GHR: variants seen among roughly 807,000 people sequenced by gnomAD.
The protein encoded by GHR is growth hormone receptor, also known as GH receptor.
In GHR, 35 loss-of-function variants were observed where a neutral mutation model predicts 67.1. The ratio of observed to expected loss-of-function variants is 0.52; its 90% CI spans 0.40 to 0.69. The LOEUF is 0.69. Among genes scored for constraint, GHR ranks in the 30% least tolerant of loss-of-function variants. The pLI is 0.00. For synonymous variants in GHR, 272 were observed against 269.1 expected, an observed-to-expected ratio of 1.01 and a Z score of -0.10; for missense variants, 792 against 764.6, an observed-to-expected ratio of 1.04 and a Z score of -0.42.
chr5:42,550,143 G>T (rs1748944864), intron 1 of GHR: 1 of 898,398 alleles, frequency 1.1e-6, no homozygotes, highest in African/African-American at 1.8e-5. Context: ...GCTACTTGAA[G>T]TGCTTCTTGA....
Position 42,699,855 on chromosome 5 carries a change from G to T in GHR, c.471G>T (p.Trp157Cys). ...VQPDPPIALN[W>C]TLLNVSLTGI... ...CAGATCCACCCATTGCCCTCAACTG[G>T]ACTTTACTGAACGTCAGTTTAACTG... The change falls in exon 6 of 10, where the codon TGG becomes TGT. Residue 157 changes from tryptophan (W) to cysteine (C), a missense_variant. Transcript: ENST00000230882. 2 of 1,611,774 alleles carry T rather than the reference G, an allele frequency of 1.2e-6. No homozygotes were observed. The highest frequency in any genetic ancestry group is 1.7e-6 in the Non-Finnish European group (2 of 1,177,954).
At chr5:42,551,622 A>G (rs1176802159) in intron 1 of GHR, among the ~76,000 whole-genome samples, 1 of 152,210 alleles carries the variant, frequency 6.6e-6, no homozygotes, top group Non-Finnish European at 1.5e-5. Flanking sequence ...GATCTCATTA[A>G]GCAAAATAAG....
At chr5:42,708,848 T>C (rs1311136599) in intron 6 of GHR, among the ~76,000 whole-genome samples, 4 of 152,186 alleles carry the variant, frequency 2.6e-5, no homozygotes, top group Non-Finnish European at 5.9e-5. Flanking sequence ...TCGTGGCACC[T>C]CTGCTAAATC....
intron 1 of GHR, among the ~76,000 whole-genome samples, chr5:42,541,693 C>G (rs887276200): frequency 6.6e-6 from 1 of 152,062 alleles, no homozygotes; most frequent in Non-Finnish European, 1.5e-5. Context: ...ATGTTGGTGC[C>G]TTGGTTAAGG....
intron 1 of GHR, among the ~76,000 whole-genome samples, chr5:42,447,898 A>G (rs1579715590): frequency 6.6e-6 from 1 of 151,560 alleles, no homozygotes; most frequent in East Asian, 1.9e-4. Context: ...AGCCTCTGGG[A>G]TTACAGGTGC....
intron 2 of GHR, among the ~76,000 whole-genome samples, chr5:42,569,701 G>A (rs1750167100): frequency 6.6e-6 from 1 of 151,856 alleles, no homozygotes; most frequent in Admixed American, 6.6e-5. Context: ...ATTTGTATGT[G>A]TGTAATACAT....
At chr5:42,669,456 T>C (rs938771286) in intron 3 of GHR, among the ~76,000 whole-genome samples, 1 of 152,220 alleles carries the variant, frequency 6.6e-6, no homozygotes, top group African/African-American at 2.4e-5. Context: ...TTAGACTTCA[T>C]TAGCTTCAGA....
intron 1 of GHR, among the ~76,000 whole-genome samples, chr5:42,544,289 A>G (rs1321511506): frequency 6.6e-6 from 1 of 152,210 alleles, no homozygotes; most frequent in Non-Finnish European, 1.5e-5. Context: ...AATAATATTC[A>G]GCCTCACTAA....
intron 2 of GHR, among the ~76,000 whole-genome samples, chr5:42,595,972 G>A (rs1696896464): frequency 6.6e-6 from 1 of 152,186 alleles, no homozygotes; most frequent in African/African-American, 2.4e-5. Context: ...TTCCAATTAA[G>A]GAAGGACTCT....
intron 1 of GHR, among the ~76,000 whole-genome samples, chr5:42,461,224 G>A (rs1195515935): frequency 1.3e-5 from 2 of 152,136 alleles, no homozygotes; most frequent in African/African-American, 4.8e-5. Context: ...GCTGTACTTT[G>A]CCCTCCTCAA....
intron 1 of GHR, among the ~76,000 whole-genome samples, chr5:42,551,657 C>G (rs542555510): frequency 2.0e-5 from 3 of 152,128 alleles, no homozygotes; most frequent in Non-Finnish European, 4.4e-5. Flanking sequence ...AATCTGCATG[C>G]TCATAATGTA....
At chr5:42,633,115 C>T (rs1477815518) in intron 3 of GHR, among the ~76,000 whole-genome samples, 4 of 152,080 alleles carry the variant, frequency 2.6e-5, no homozygotes, top group African/African-American at 9.7e-5. Context: ...GATGATTGCA[C>T]ATCTTTCTGA....
chr5:42,663,468 A>G (rs1755771430), intron 3 of GHR, among the ~76,000 whole-genome samples: 1 of 152,272 alleles, frequency 6.6e-6, no homozygotes, highest in South Asian at 2.1e-4. Context: ...GTAATCCAGC[A>G]TATAAACAGA....
At chr5:42,526,973 C>G (rs1358652031) in intron 1 of GHR, among the ~76,000 whole-genome samples, 2 of 152,136 alleles carry the variant, frequency 1.3e-5, no homozygotes, top group Non-Finnish European at 2.9e-5. Context: ...AATTTCATAT[C>G]CAGCTGAACT....
chr5:42,568,888 A>G (rs1236938763), intron 2 of GHR, among the ~76,000 whole-genome samples: 1 of 152,248 alleles, frequency 6.6e-6, no homozygotes, highest in East Asian at 1.9e-4. Context: ...GCCTGCACCT[A>G]TGGCTATGAG....
chr5:42,633,643 G>T (rs1754031942), intron 3 of GHR, among the ~76,000 whole-genome samples: 2 of 152,060 alleles, frequency 1.3e-5, no homozygotes, highest in Non-Finnish European at 2.9e-5. Context: ...CTCTGATTCA[G>T]TGATTCATCT....
intron 1 of GHR, among the ~76,000 whole-genome samples, chr5:42,460,021 G>A (rs1454202689): frequency 6.6e-6 from 1 of 152,152 alleles, no homozygotes; most frequent in Non-Finnish European, 1.5e-5. Context: ...GGCCTGTGAG[G>A]AGCTGGTAAA....
At chr5:42,644,928 A>G (rs1754655774) in intron 3 of GHR, among the ~76,000 whole-genome samples, 1 of 152,118 alleles carries the variant, frequency 6.6e-6, no homozygotes, top group South Asian at 2.1e-4. Flanking sequence ...TCTCAGGGGA[A>G]CCCATGAGAA....
chr5:42,487,833 C>T (rs1179186338), intron 1 of GHR, among the ~76,000 whole-genome samples: 6 of 152,128 alleles, frequency 3.9e-5, no homozygotes, highest in Admixed American at 1.3e-4. Context: ...TAAAAATGCT[C>T]CAACTGTCCA....
Sources: gnomAD v4.1 joint callset for allele counts (sites outside exome capture counted in the v4.1 genomes callset) on GRCh38, gnomAD v4.1.1 for gene constraint, MANE v1.5 for transcripts, NCBI Gene and HGNC (gene_info 2026-07-23, HGNC 2026-07-21) for gene names.